Variants in COL11A1 observed in about 807,000 individuals in gnomAD.
The protein encoded by COL11A1 is collagen alpha-1(XI) chain.
A neutral mutation model predicts 265.2 loss-of-function variants in COL11A1; 74 were observed. That is an observed-to-expected ratio of 0.28 (90% CI 0.23 to 0.34). The LOEUF is 0.34. COL11A1 is among the 10% of genes least tolerant of loss of function. COL11A1 has a pLI of 1.00. For missense variants in COL11A1, 2,165 were observed against 2,263.6 expected, an observed-to-expected ratio of 0.96 and a Z score of 0.88; for synonymous variants, 816 against 727.6, an observed-to-expected ratio of 1.12 and a Z score of -1.96.
intron 46 of COL11A1, among the ~76,000 whole-genome samples, chr1:102,923,934 C>T (rs1283902841): frequency 2.0e-5 from 3 of 151,674 alleles, no homozygotes; most frequent in South Asian, 2.1e-4. Context: ...TCAGGCCGGG[C>T]GCAGTGGCTC....
chr1:102,887,915 A>T (rs927119123), intron 62 of COL11A1, among the ~76,000 whole-genome samples: 3 of 152,158 alleles, frequency 2.0e-5, no homozygotes, highest in African/African-American at 7.2e-5. Context: ...TCCGCCATGG[A>T]CCTCAGAAGG....
intron 54 of COL11A1, among the ~76,000 whole-genome samples, chr1:102,902,242 A>G (rs1653301111): frequency 1.3e-5 from 2 of 152,288 alleles, no homozygotes; most frequent in East Asian, 1.9e-4. Flanking sequence ...TCTTGCTATG[A>G]GTCAGAATAT....
Position 103,078,706 on chromosome 1 carries a change from G to A in COL11A1, c.440C>T (p.Ala147Val), listed in dbSNP as rs1262422034. The A allele has an allele frequency of 1.9e-6, 3 of 1,613,442 alleles. No homozygotes were observed. The highest frequency in any genetic ancestry group is 2.5e-6 in the Non-Finnish European group (3 of 1,179,616). Reference protein sequence around the residue: ...FLFEDHTGKPAPEDYPLFRTV... With the variant: ...FLFEDHTGKPVPEDYPLFRTV... ...TCTGAAGAGGGGATAGTCTTCTGGG[G>A]CAGGTTTTCCAGTGTGGTCTTCAAA... Residue 147 changes from alanine to valine, a missense_variant, in exon 3 of 67, where the codon GCC (alanine) becomes GTC (valine). Coordinates refer to ENST00000370096, the MANE Select transcript of COL11A1 (RefSeq NM_001854.4).
intron 1 of COL11A1, among the ~76,000 whole-genome samples, chr1:103,094,429 G>C (rs1191479554): frequency 6.6e-6 from 1 of 152,064 alleles, no homozygotes; most frequent in Non-Finnish European, 1.5e-5. Flanking sequence ...GTGGAGGAAG[G>C]ATTGGTACCA....
intron 28 of COL11A1, among the ~76,000 whole-genome samples, chr1:102,991,771 C>G (rs912531427): frequency 1.3e-5 from 2 of 151,866 alleles, no homozygotes; most frequent in Non-Finnish European, 2.9e-5. Flanking sequence ...AATATGAGAC[C>G]TAACCCTGGA....
rs370673436 is a variant in COL11A1 at position 103,025,995 on chromosome 1, C to A, written c.897+221G>T. 1.5e-5 allele frequency: 24 copies of A among 1,580,224 alleles called. No homozygotes were observed. The African/African-American group carries it at 3.0e-4, about 20-fold the overall frequency. On this transcript the variant is annotated intron_variant, in intron 6 of 66. Coordinates refer to ENST00000370096, the MANE Select transcript of COL11A1 (RefSeq NM_001854.4). ...AGATGGAATGGAAAACATAAATAAA[C>A]GAGGAGGGAAATATAGAGCACAGAT...
chr1:102,970,121 C>T, intron 37 of COL11A1, 98 bp downstream of exon 37: 1 of 846,016 alleles, frequency 1.2e-6, no homozygotes, highest in Non-Finnish European at 1.9e-6. Context: ...TTTTCTCAAC[C>T]TAGTAATTGA....
At position 102,898,978 on chromosome 1, in the gene COL11A1, G is replaced by A. The variant is rs1363292349; in HGVS notation, c.4103C>T (p.Ala1368Val). The change falls in exon 55 of 67, where the codon GCA becomes GTA. Residue 1368 changes from alanine to valine, a missense_variant. By Grantham distance (64) the Ala-to-Val change is moderately conservative (BLOSUM62 0). Transcript: ENST00000370096. Reference sequence around the variant, plus strand: ...TTCACCTTGTCTTCCCTCTGCACCTGCAGCTCCAGGAGGACCCTATAGACA... The same window carrying A: ...TTCACCTTGTCTTCCCTCTGCACCTACAGCTCCAGGAGGACCCTATAGACA... ...PPGKRGPPGA[A>V]GAEGRQGEKG... 1.3e-6 allele frequency: 2 copies of A among 1,544,598 alleles called. No homozygotes were observed. Among genetic ancestry groups the A allele is most frequent in the South Asian group, 2.5e-5 (2 of 81,588 alleles).
At chr1:103,049,477 T>A in intron 4 of COL11A1, among the ~76,000 whole-genome samples, 1 of 152,198 alleles carries the variant, frequency 6.6e-6, no homozygotes, top group Non-Finnish European at 1.5e-5. Context: ...TCCTTTTATT[T>A]TGAGCCTATG....
At chr1:103,062,714 T>C (rs1010544072) in intron 4 of COL11A1, among the ~76,000 whole-genome samples, 1 of 152,026 alleles carries the variant, frequency 6.6e-6, no homozygotes, top group African/African-American at 2.4e-5. Flanking sequence ...CCTCTGTTAA[T>C]ATTGCATTTC....
At chr1:103,018,785 A>G in intron 10 of COL11A1, 33 bp downstream of exon 10, 2 of 1,566,514 alleles carry the variant, frequency 1.3e-6, no homozygotes, top group Non-Finnish European at 1.8e-6. Flanking sequence ...ATTACTTTAA[A>G]TAGACAAAAA....
chr1:102,912,768 T>G (rs964172725), intron 53 of COL11A1, among the ~76,000 whole-genome samples: 1 of 152,078 alleles, frequency 6.6e-6, no homozygotes, highest in Non-Finnish European at 1.5e-5. Flanking sequence ...CACATTCTGT[T>G]CTTGTGATAG....
chr1:102,961,368 T>G (rs1260044710), intron 41 of COL11A1, among the ~76,000 whole-genome samples: 2 of 152,164 alleles, frequency 1.3e-5, no homozygotes, highest in African/African-American at 2.4e-5. Flanking sequence ...CTTATGGGTT[T>G]TATGCTTTTA....
intron 5 of COL11A1, among the ~76,000 whole-genome samples, chr1:103,030,194 C>G (rs916538371): frequency 6.6e-6 from 1 of 152,014 alleles, no homozygotes; most frequent in African/African-American, 2.4e-5. Flanking sequence ...TATCTTTACA[C>G]TCTCATATTT....
chr1:103,009,778 T>A (rs1665949119), intron 14 of COL11A1, among the ~76,000 whole-genome samples: 1 of 152,128 alleles, frequency 6.6e-6, no homozygotes, highest in African/African-American at 2.4e-5. Flanking sequence ...ATATTAACGA[T>A]GCCCACAAAA....
At chr1:103,020,940 GGA>G (rs1359619045) in intron 9 of COL11A1, among the ~76,000 whole-genome samples, 46 of 140,444 alleles carry the variant, frequency 3.3e-4, no homozygotes, top group Non-Finnish European at 5.5e-4. Context: ...TTCTGTCAAT[GGA>G]ACAGAACAGA....
In COL11A1 at chr1:102,915,631, G is replaced by A. The variant is rs973061092; in HGVS notation, c.3816C>T (p.Gly1272=). The A allele has an allele frequency of 1.1e-5, 17 of 1,612,280 alleles. No homozygotes were observed. The highest frequency in any genetic ancestry group is 2.2e-5 in the East Asian group (1 of 44,854). The change falls in exon 50 of 67, where the codon GGC becomes GGT. Residue 1272 remains glycine (G), a splice_region_variant and synonymous_variant. Transcript: ENST00000370096. ...NPGPPGEAGV[G]GPKGERGEKG... The stretch of plus-strand genomic sequence containing the variant: ...ATGTTAACAATAACACAGTACTTAC[G>A]CCTACACCTGCTTCCCCAGGAGGCC...
At chr1:103,099,438 C>A (rs1674056466) in intron 1 of COL11A1, among the ~76,000 whole-genome samples, 1 of 148,752 alleles carries the variant, frequency 6.7e-6, no homozygotes, top group African/African-American at 2.5e-5. Context: ...GCACATGTAC[C>A]CACACACATC....
rs116793679 is a variant in COL11A1, at chr1:103,035,020, T to A, written c.652-3776A>T. ...GTGAGATTTCCTTAAATCTTGGAAT[T>A]GAATGGAACCAATTAGTATCCCAAG... is the stretch of plus-strand genomic sequence containing the variant. On this transcript the variant is annotated intron_variant, in intron 4 of 66. Coordinates refer to ENST00000370096, the MANE Select transcript of COL11A1 (RefSeq NM_001854.4). Among the ~76,000 whole-genome samples the A allele has an allele frequency of 4.7e-3, 719 of 152,212 alleles. 3 individuals are homozygous for A. Among genetic ancestry groups the A allele is most frequent in the Admixed American group, 7.2e-3 (110 of 15,256 alleles).
Sources: gnomAD v4.1 joint callset for allele counts (sites outside exome capture counted in the v4.1 genomes callset) on GRCh38, gnomAD v4.1.1 for gene constraint, MANE v1.5 for transcripts, NCBI Gene and HGNC (gene_info 2026-07-23, HGNC 2026-07-21) for gene names.